The following CDK14 variants were observed in gnomAD, a reference collection of about 807,000 sequenced individuals.
CDK14 encodes cyclin dependent kinase 14, also known as cyclin-dependent kinase 14.
A neutral mutation model predicts 60.7 loss-of-function variants in CDK14; 34 were observed. The observed-to-expected ratio is 0.56, with a 90% CI of 0.43 to 0.75. CDK14 has a LOEUF of 0.75. CDK14 is among the 30% of genes least tolerant of loss of function. CDK14 has a pLI of 0.00. For synonymous variants in CDK14, 197 were observed against 203.7 expected, an observed-to-expected ratio of 0.97 and a Z score of 0.28; for missense variants, 482 against 564.1, an observed-to-expected ratio of 0.85 and a Z score of 1.47.
At chr7:90,834,949 T>A (rs913456584) in intron 5 of CDK14, among the ~76,000 whole-genome samples, 1 of 152,134 alleles carries the variant, frequency 6.6e-6, no homozygotes, top group Non-Finnish European at 1.5e-5. Context: ...ACAGATGGTC[T>A]TTAAAACCAC....
intron 8 of CDK14, among the ~76,000 whole-genome samples, chr7:90,934,227 G>A (rs1277088440): frequency 2.0e-5 from 3 of 152,256 alleles, no homozygotes; most frequent in Non-Finnish European, 2.9e-5. Flanking sequence ...CCAGTCAGGC[G>A]GGACTTAGGC....
chr7:90,878,787 T>A (rs1376214878), intron 6 of CDK14, among the ~76,000 whole-genome samples: 2 of 152,070 alleles, frequency 1.3e-5, no homozygotes, highest in Non-Finnish European at 1.5e-5. Context: ...GAAGTAATTT[T>A]AAAAAAAGAG....
chr7:90,661,745 T>G (rs1483093399), intron 2 of CDK14, among the ~76,000 whole-genome samples: 4 of 152,222 alleles, frequency 2.6e-5, no homozygotes, highest in Non-Finnish European at 5.9e-5. Flanking sequence ...CAGCCACTGT[T>G]GCTAGGACTG....
rs558406894 is a variant in CDK14 at position 90,688,649 on chromosome 7, C to T, written c.124-37918C>T. On this transcript the variant is annotated intron_variant, in intron 2 of 14. Coordinates refer to ENST00000380050, the MANE Select transcript of CDK14 (RefSeq NM_001287135.2). ...CAAAAGTAAACTAGAAAAGATATTCCGTGACATATTTAAAGTTTATTATGG... is the reference window on the plus strand; with the variant it reads ...CAAAAGTAAACTAGAAAAGATATTCTGTGACATATTTAAAGTTTATTATGG... 3.5e-3 allele frequency among the ~76,000 whole-genome samples: 535 copies of T among 152,104 alleles called. 3 individuals carry two copies. Among genetic ancestry groups the T allele is most frequent in the Middle Eastern group, 0.017 (5 of 294 alleles).
chr7:90,817,624 C>T (rs1331411432), intron 5 of CDK14, among the ~76,000 whole-genome samples: 1 of 152,166 alleles, frequency 6.6e-6, no homozygotes, highest in East Asian at 1.9e-4. Flanking sequence ...GATCCAGTTT[C>T]TGTGATGAAC....
chr7:90,691,791 G>T (rs1051798887), intron 2 of CDK14, among the ~76,000 whole-genome samples: 1 of 152,168 alleles, frequency 6.6e-6, no homozygotes, highest in Non-Finnish European at 1.5e-5. Context: ...TTGAGAAATG[G>T]TTGGATTTTT....
intron 2 of CDK14, chr7:90,726,334 A>G: frequency 1.0e-6 from 1 of 977,722 alleles, no homozygotes; most frequent in Non-Finnish European, 1.2e-6. Context: ...TAAGTTTCTC[A>G]TTTTAGAGGT....
chr7:90,921,351 C>T (rs1024929857), intron 8 of CDK14, among the ~76,000 whole-genome samples: 2 of 152,078 alleles, frequency 1.3e-5, no homozygotes, highest in African/African-American at 2.4e-5. Flanking sequence ...CATGTCACCT[C>T]TTCAAAGGGG....
chr7:90,898,299 A>G (rs11978261), intron 6 of CDK14, among the ~76,000 whole-genome samples: 22,518 of 152,124 alleles, frequency 0.15, 1,743 homozygotes, highest in Non-Finnish European at 0.17. Context: ...CAAAAATTAC[A>G]TGATGAATGA....
intron 6 of CDK14, among the ~76,000 whole-genome samples, chr7:90,876,221 A>C (rs947561823): frequency 6.6e-6 from 1 of 152,158 alleles, no homozygotes; most frequent in Non-Finnish European, 1.5e-5. Flanking sequence ...CTGTGATGCT[A>C]TGAGATTCCC....
intron 3 of CDK14, among the ~76,000 whole-genome samples, chr7:90,735,132 G>A (rs577736463): frequency 1.3e-5 from 2 of 152,272 alleles, no homozygotes; most frequent in East Asian, 1.9e-4. Flanking sequence ...TGGGTATCAC[G>A]AGCAGAGGCT....
intron 10 of CDK14, among the ~76,000 whole-genome samples, chr7:91,023,673 T>C (rs1167706839): frequency 6.6e-6 from 1 of 152,218 alleles, no homozygotes. Flanking sequence ...TTTTTATGCA[T>C]TATTTCATGA....
At chr7:90,886,841 C>A (rs1188033923) in intron 6 of CDK14, among the ~76,000 whole-genome samples, 1 of 152,100 alleles carries the variant, frequency 6.6e-6, no homozygotes, top group Non-Finnish European at 1.5e-5. Flanking sequence ...TCCAGAGTAT[C>A]TGTAATTTCA....
intron 6 of CDK14, among the ~76,000 whole-genome samples, chr7:90,877,922 G>C (rs576707565): frequency 6.6e-6 from 1 of 152,246 alleles, no homozygotes; most frequent in African/African-American, 2.4e-5. Flanking sequence ...CACGACACCT[G>C]TATAAGATGA....
At chr7:90,796,189 G>T (rs763833375) in intron 5 of CDK14, among the ~76,000 whole-genome samples, 1 of 152,250 alleles carries the variant, frequency 6.6e-6, no homozygotes, top group South Asian at 2.1e-4. Flanking sequence ...ATCTTGTTCT[G>T]TGGGTTAGAG....
At chr7:90,863,670 ATGTGTGTGTGTG>A (rs111580477) in intron 6 of CDK14, among the ~76,000 whole-genome samples, 2 of 145,880 alleles carry the variant, frequency 1.4e-5, no homozygotes, top group African/African-American at 5.1e-5. Flanking sequence ...TTATTAAGAT[ATGTGTGTGTGTG>A]TGTGTGTGTG....
chr7:91,176,614 T>C (rs565671542), intron 14 of CDK14, among the ~76,000 whole-genome samples: 140 of 152,166 alleles, frequency 9.2e-4, no homozygotes, highest in African/African-American at 3.1e-3. Flanking sequence ...CAATAAAAAA[T>C]GATAAAGGGC....
intron 14 of CDK14, among the ~76,000 whole-genome samples, chr7:91,136,690 C>T (rs921018490): frequency 6.6e-6 from 1 of 152,090 alleles, no homozygotes; most frequent in African/African-American, 2.4e-5. Context: ...ACTAATTCAG[C>T]TTGAGGTTTT....
At chr7:91,058,667 G>A (rs1342783258) in intron 11 of CDK14, among the ~76,000 whole-genome samples, 2 of 152,132 alleles carry the variant, frequency 1.3e-5, no homozygotes, top group African/African-American at 4.8e-5. Flanking sequence ...ATAATCATGT[G>A]GTTTTTGTCA....
Sources: allele counts gnomAD v4.1 joint callset (sites outside exome capture counted in the v4.1 genomes callset), GRCh38; gene constraint gnomAD v4.1.1; transcripts MANE v1.5; gene names NCBI Gene and HGNC (gene_info 2026-07-23, HGNC 2026-07-21).